The following CLSTN1 variants were observed in gnomAD, a reference collection of about 807,000 sequenced individuals.
CLSTN1 encodes the protein calsyntenin 1.
In CLSTN1, 28 loss-of-function variants were observed where a neutral mutation model predicts 108.3. The ratio of observed to expected loss-of-function variants is 0.26; its 90% CI spans 0.19 to 0.35. The LOEUF is 0.35. Ranked by LOEUF, CLSTN1 falls within the 10% of genes least tolerant of loss-of-function variation. CLSTN1 has a pLI of 1.00. For missense variants in CLSTN1, 1,157 were observed against 1,302.6 expected (o/e 0.89, Z 1.72); for synonymous variants, 524 against 534.9 (o/e 0.98, Z 0.28).
At chr1:9,769,489 C>G (rs1028095269) in intron 2 of CLSTN1, among the ~76,000 whole-genome samples, 1 of 152,122 alleles carries the variant, frequency 6.6e-6, no homozygotes, top group Non-Finnish European at 1.5e-5. Context: ...TGCTAGGCAC[C>G]TAACACAGGT....
intron 1 of CLSTN1, among the ~76,000 whole-genome samples, chr1:9,789,887 G>C (rs1323840571): frequency 6.6e-6 from 1 of 151,378 alleles, no homozygotes; most frequent in Admixed American, 6.7e-5. Flanking sequence ...GCTGAGGTGG[G>C]AGAATCGCTT....
At chr1:9,793,161 C>G (rs750249145) in intron 1 of CLSTN1, among the ~76,000 whole-genome samples, 1 of 151,242 alleles carries the variant, frequency 6.6e-6, no homozygotes, top group African/African-American at 2.4e-5. Context: ...TATAAGCACG[C>G]GCCACCACAC....
At chr1:9,745,169 C>T (rs1047580206) in intron 7 of CLSTN1, among the ~76,000 whole-genome samples, 3 of 146,074 alleles carry the variant, frequency 2.1e-5, no homozygotes, top group Non-Finnish European at 3.0e-5. Context: ...GCGGAGCTTG[C>T]AGTGAGCCGA....
At chr1:9,813,146 C>G (rs1489641068) in intron 1 of CLSTN1, among the ~76,000 whole-genome samples, 2 of 151,834 alleles carry the variant, frequency 1.3e-5, no homozygotes, top group Non-Finnish European at 2.9e-5. Context: ...GCCTGGGTGA[C>G]AGGGCAAGAC....
chr1:9,733,925 C>T, intron 15 of CLSTN1, 47 bp downstream of exon 15: 1 of 1,559,432 alleles, frequency 6.4e-7, no homozygotes, highest in Non-Finnish European at 8.7e-7. Flanking sequence ...TCTCAAAGTC[C>T]CCTCTTGCAG....
At chr1:9,795,977 A>T (rs938322442) in intron 1 of CLSTN1, among the ~76,000 whole-genome samples, 1 of 129,338 alleles carries the variant, frequency 7.7e-6, no homozygotes, top group East Asian at 2.4e-4. Context: ...AAAAAAAAAA[A>T]TCTGAGGCTG....
rs1051747822 is a variant in CLSTN1 at position 9,762,053 on chromosome 1, C to T, written c.215-5543G>A. Among the ~76,000 whole-genome samples, 20 of 152,292 alleles carry T rather than the reference C, an allele frequency of 1.3e-4. 2 individuals carry two copies. The highest frequency in any genetic ancestry group is 2.6e-4 in the Non-Finnish European group (18 of 68,032). ...TATTCTTAGCATCGCTGTCGCTCCA[C>T]TCACCATTCAAACTTCAGGGAGGGG... is the stretch of plus-strand genomic sequence containing the variant. On this transcript the variant is annotated intron_variant, in intron 2 of 18. Coordinates refer to ENST00000377298, the MANE Select transcript of CLSTN1 (RefSeq NM_001009566.3).
Position 9,733,246 on chromosome 1 carries a change from C to G in CLSTN1, c.2427+155G>C, listed in dbSNP as rs115393096. 9.4e-3 allele frequency among the ~76,000 whole-genome samples: 1,428 copies of G among 152,282 alleles called. 13 individuals carry two copies. Among genetic ancestry groups the G allele is most frequent in the Non-Finnish European group, 0.016 (1,068 of 68,028 alleles). ...CAACAAGCCCAGGTGTAACCTGCAG[C>G]AGGCCCCAGGCTGGAAAGGCGACCC... On this transcript the variant is annotated intron_variant, in intron 16 of 18. Transcript: ENST00000377298.
At chr1:9,797,813 C>G (rs1654077169) in intron 1 of CLSTN1, among the ~76,000 whole-genome samples, 1 of 151,970 alleles carries the variant, frequency 6.6e-6, no homozygotes. Flanking sequence ...AATATTGCAG[C>G]TACTGATTGG....
intron 1 of CLSTN1, among the ~76,000 whole-genome samples, chr1:9,801,723 T>C (rs1654278786): frequency 6.6e-6 from 1 of 152,100 alleles, no homozygotes; most frequent in Non-Finnish European, 1.5e-5. Flanking sequence ...CCCGGCTAAC[T>C]TTCTGTGTTT....
chr1:9,777,282 G>A (rs1015985548), intron 1 of CLSTN1, among the ~76,000 whole-genome samples: 2 of 146,024 alleles, frequency 1.4e-5, no homozygotes, highest in Non-Finnish European at 3.0e-5. Flanking sequence ...CACTTTGGGA[G>A]GCCAAGGCAG....
At chr1:9,770,203 A>G (rs1263935458) in intron 2 of CLSTN1, among the ~76,000 whole-genome samples, 1 of 152,210 alleles carries the variant, frequency 6.6e-6, no homozygotes, top group Non-Finnish European at 1.5e-5. Context: ...CTATAATTGG[A>G]TTTAAATTGC....
chr1:9,789,028 G>A (rs1189000790), intron 1 of CLSTN1, among the ~76,000 whole-genome samples: 1 of 151,446 alleles, frequency 6.6e-6, no homozygotes, highest in Non-Finnish European at 1.5e-5. Context: ...TTCGAGGCTG[G>A]ATGATGTTCC....
chr1:9,773,989 G>A (rs938274922), intron 1 of CLSTN1, among the ~76,000 whole-genome samples: 1 of 151,594 alleles, frequency 6.6e-6, no homozygotes, highest in African/African-American at 2.4e-5. Flanking sequence ...TGATCCGCCT[G>A]CCTTGGCCTC....
At position 9,744,016 on chromosome 1, in the gene CLSTN1, A is replaced by G. The variant is rs1044739983; in HGVS notation, c.1235-11T>C. The stretch of plus-strand genomic sequence containing the variant: ...GGTGCCGATTCATATCTGCAAAGGC[A>G]GTTTCTATGGGTAAATTGCCAACTA... On this transcript the variant is annotated splice_polypyrimidine_tract_variant and intron_variant, in intron 8 of 18. Transcript: ENST00000377298. 6.2e-7 allele frequency: 1 copy of G among 1,611,458 alleles called. No homozygotes were observed. The highest frequency in any genetic ancestry group is 8.5e-7 in the Non-Finnish European group (1 of 1,178,638).
At chr1:9,756,804 A>G (rs1192867761) in intron 2 of CLSTN1, among the ~76,000 whole-genome samples, 1 of 151,904 alleles carries the variant, frequency 6.6e-6, no homozygotes, top group Non-Finnish European at 1.5e-5. Context: ...TTTTTGAGAC[A>G]GAGTCTCGCT....
chr1:9,741,938 T>C lies in CLSTN1; in HGVS notation c.1357-682A>G, dbSNP rs143131010. 1.6e-4 allele frequency among the ~76,000 whole-genome samples: 25 copies of C among 152,302 alleles called. No individual in the cohort carries two copies. The East Asian group carries it at 4.2e-3, about 26-fold the overall frequency. Reference sequence around the variant, plus strand: ...TCCCCACCGCCGACAAAAAAGTGCCTTTAATCTCAGAATAAGGCACACCAT... The same window carrying C: ...TCCCCACCGCCGACAAAAAAGTGCCCTTAATCTCAGAATAAGGCACACCAT... On this transcript the variant is annotated intron_variant, in intron 9 of 18. Coordinates refer to ENST00000377298, the MANE Select transcript of CLSTN1 (RefSeq NM_001009566.3).
intron 1 of CLSTN1, among the ~76,000 whole-genome samples, chr1:9,807,653 G>A (rs577005318): frequency 2.0e-5 from 3 of 152,338 alleles, no homozygotes; most frequent in South Asian, 2.1e-4. Context: ...CGTGGCCACC[G>A]TGAAGAGGCA....
rs911091838 is a variant in CLSTN1 at position 9,798,210 on chromosome 1, A to AT, written c.92-24817dup. Among the ~76,000 whole-genome samples the AT allele has an allele frequency of 1.2e-4, 19 of 152,008 alleles. 1 individual carries two copies. The highest frequency in any genetic ancestry group is 1.2e-3 in the Admixed American group (19 of 15,242). ...GGGAAAAAGAAAGAAAAGAAAAACT[A>AT]TATGACCCAGATATTCCACTCCCAG... On this transcript the variant is annotated intron_variant, in intron 1 of 18. Transcript: ENST00000377298.
Sources: allele counts gnomAD v4.1 joint callset (sites outside exome capture counted in the v4.1 genomes callset), GRCh38; gene constraint gnomAD v4.1.1; transcripts MANE v1.5; gene names NCBI Gene and HGNC (gene_info 2026-07-23, HGNC 2026-07-21).